Variants in AMACR observed in about 807,000 individuals in gnomAD.
AMACR encodes 2-methylacyl-CoA racemase.
AMACR carries 18 observed loss-of-function variants against 22.2 expected under a neutral mutation model. The ratio of observed to expected loss-of-function variants is 0.81; its 90% CI spans 0.56 to 1.20. The LOEUF is 1.20. AMACR is among the 50% of genes most tolerant of loss of function. The pLI, the probability that AMACR is intolerant of heterozygous loss-of-function variation, is 0.00. For synonymous variants in AMACR, 213 were observed against 191.3 expected (o/e 1.11, Z -0.94); for missense variants, 499 against 490.6 (o/e 1.02, Z -0.16).
Position 34,007,780 on chromosome 5 carries a change from G to C in AMACR, c.240C>G (p.Phe80Leu), listed in dbSNP as rs1044437141. ...CKRSDVLLEP[F>L]RRGVMEKLQL... ...CGCGGGGCCCGGGCTCACCGCGGCG[G>C]AAGGGCTCCAGCAGCACATCCGACC... The change falls in exon 1 of 5, where the codon TTC (phenylalanine) becomes TTG (leucine). Residue 80 changes from phenylalanine (F) to leucine (L), a missense_variant. Transcript: ENST00000335606. 4 of 1,558,076 alleles carry C rather than the reference G, an allele frequency of 2.6e-6. No homozygotes were observed. In the African/African-American group the frequency reaches 5.4e-5, roughly 21 times the overall value.
At position 33,986,219 on chromosome 5, in the gene AMACR, CCACA is replaced by C. The variant is rs1156875320; in HGVS notation, c.*2870_*2873del. 6.6e-6 allele frequency: 1 copy of C among 152,126 alleles called. No individual in the cohort carries two copies. The highest frequency in any genetic ancestry group is 2.4e-5 in the African/African-American group (1 of 41,410). The allele number at this position is 152,126 out of a possible 1,614,324, so 9.4% of individuals were successfully genotyped here. On this transcript the variant is annotated 3_prime_UTR_variant, in exon 5 of 5. Coordinates refer to ENST00000335606, the MANE Select transcript of AMACR (RefSeq NM_014324.6). ...CATTCTATTTTTTACTACAAGTTTT[CCACA>C]CACACAGCTCAGGAGTGAAATAACT...
At chr5:33,993,207 C>T (rs1753535826) in intron 4 of AMACR, among the ~76,000 whole-genome samples, 1 of 152,168 alleles carries the variant, frequency 6.6e-6, no homozygotes, top group Non-Finnish European at 1.5e-5. Context: ...TTATTTCACT[C>T]AGCATAATGT....
At chr5:34,006,013 C>A in intron 1 of AMACR, 114 bp from the exon 2 acceptor site, 1 of 1,296,842 alleles carries the variant, frequency 7.7e-7, no homozygotes, top group Admixed American at 1.9e-5. Flanking sequence ...ATAACATTTG[C>A]TGTAGGCTAA....
At chr5:33,998,972 T>C (rs1753726490) in intron 3 of AMACR, 145 bp from the exon 4 acceptor site, 1 of 743,410 alleles carries the variant, frequency 1.3e-6, no homozygotes. Context: ...ACAACTTCTC[T>C]GGTATTTCCA....
At chr5:34,003,026 G>A (rs952047113) in intron 3 of AMACR, among the ~76,000 whole-genome samples, 1 of 152,182 alleles carries the variant, frequency 6.6e-6, no homozygotes, top group African/African-American at 2.4e-5. Context: ...ACCCAATCCA[G>A]TTGACACTCT....
intron 3 of AMACR, 71 bp downstream of exon 3, chr5:34,004,503 A>G: frequency 1.3e-6 from 2 of 1,596,360 alleles, no homozygotes; most frequent in African/African-American, 1.3e-5. Context: ...CTTCTTCAAA[A>G]AAAGGATTTT....
chr5:33,991,922 G>A (rs1007897132), intron 4 of AMACR, among the ~76,000 whole-genome samples: 1 of 151,798 alleles, frequency 6.6e-6, no homozygotes, highest in South Asian at 2.1e-4. Flanking sequence ...ACTATTGCCT[G>A]GGCTGGAGTG....
chr5:33,996,074 C>G (rs1031484195), intron 4 of AMACR, among the ~76,000 whole-genome samples: 8 of 152,222 alleles, frequency 5.3e-5, no homozygotes, highest in African/African-American at 1.9e-4. Context: ...CATTATTTAG[C>G]CTGTCTGGCA....
intron 3 of AMACR, among the ~76,000 whole-genome samples, chr5:34,001,481 C>T (rs1464885942): frequency 6.6e-6 from 1 of 152,210 alleles, no homozygotes; most frequent in Admixed American, 6.5e-5. Context: ...CTGAGACTTG[C>T]TGCTTGTTAC....
At chr5:34,003,547 G>T (rs1351485425) in intron 3 of AMACR, among the ~76,000 whole-genome samples, 1 of 152,182 alleles carries the variant, frequency 6.6e-6, no homozygotes, top group Non-Finnish European at 1.5e-5. Flanking sequence ...GCTAGTAAAT[G>T]GCAGAGCTGG....
At chr5:33,991,941 C>T (rs994861999) in intron 4 of AMACR, among the ~76,000 whole-genome samples, 21 of 152,060 alleles carry the variant, frequency 1.4e-4, no homozygotes, top group East Asian at 1.9e-4. Flanking sequence ...TGCAATGGCA[C>T]GATCTCGGCT....
intron 4 of AMACR, among the ~76,000 whole-genome samples, chr5:33,994,751 A>AG (rs1753586004): frequency 6.6e-6 from 1 of 152,116 alleles, no homozygotes; most frequent in Non-Finnish European, 1.5e-5. Flanking sequence ...ATGCAAAAAG[A>AG]GGGGGCTGTA....
intron 4 of AMACR, among the ~76,000 whole-genome samples, chr5:33,990,597 A>G (rs1352941661): frequency 1.3e-5 from 2 of 152,218 alleles, no homozygotes; most frequent in Non-Finnish European, 2.9e-5. Flanking sequence ...TTAAAAGTGC[A>G]TGGCTAAGTG....
intron 4 of AMACR, among the ~76,000 whole-genome samples, chr5:33,992,736 T>A (rs192601463): frequency 6.6e-6 from 1 of 152,250 alleles, no homozygotes; most frequent in East Asian, 1.9e-4. Context: ...ATAGAATAAT[T>A]GTGCATTTGT....
rs1157791209 is a variant in AMACR at position 33,986,776 on chromosome 5, C to T, written c.*2317G>A. ...GGTGCAGCAACTTTGGCTTCTGGGTCCAAGTACACCAGCTTTCCCATCACC... is the reference window on the plus strand; with the variant it reads ...GGTGCAGCAACTTTGGCTTCTGGGTTCAAGTACACCAGCTTTCCCATCACC... On this transcript the variant is annotated 3_prime_UTR_variant, in exon 5 of 5. Transcript: ENST00000335606. 1 of 152,216 alleles carries T rather than the reference C, an allele frequency of 6.6e-6. No individual in the cohort carries two copies. The allele number at this position is 152,216 out of a possible 1,614,324, so 9.4% of individuals were successfully genotyped here. A position where few individuals can be genotyped will look rare whatever the true frequency, so the allele number is the denominator to read the frequency against.
Position 33,989,328 on chromosome 5 carries a change from T to C in AMACR, c.914A>G (p.His305Arg), listed in dbSNP as rs1234892826. The change falls in exon 5 of 5, where the codon CAT becomes CGT. Residue 305 changes from histidine (H) to arginine (R), a missense_variant. Transcript: ENST00000335606. The part of the protein sequence containing the change: ...TPVLTFEEVV[H>R]HDHNKERGSF... The stretch of plus-strand genomic sequence containing the variant: ...GCCCCGTTCCTTGTTGTGATCATGA[T>C]GAACAACCTCCTCAAAAGTCAGAAC... 10 of 1,614,066 alleles carry C rather than the reference T, an allele frequency of 6.2e-6. No individual in the cohort carries two copies. In the South Asian group the frequency reaches 9.9e-5, roughly 16 times the overall value.
intron 3 of AMACR, among the ~76,000 whole-genome samples, chr5:34,003,475 T>C (rs1753880408): frequency 6.6e-6 from 1 of 152,178 alleles, no homozygotes. Flanking sequence ...GTCATTATTA[T>C]CTCCATTTTA....
chr5:33,989,168 T>C lies in AMACR; in HGVS notation c.1074A>G (p.Gly358=). The change falls in exon 5 of 5, where the codon GGA becomes GGG. Residue 358 remains glycine (G), a synonymous_variant. Transcript: ENST00000335606. ...EHTEEILEEF[G]FSREEIYQLN... is the part of the protein sequence containing the mutation. Reference sequence around the variant, plus strand: ...GCTGATAAATCTCTTCGCGGCTGAATCCAAATTCTTCAAGTATCTCCTCAG... The same window carrying C: ...GCTGATAAATCTCTTCGCGGCTGAACCCAAATTCTTCAAGTATCTCCTCAG... 3.1e-6 allele frequency: 5 copies of C among 1,614,230 alleles called. No homozygotes were observed. The highest frequency in any genetic ancestry group is 4.2e-6 in the Non-Finnish European group (5 of 1,180,036).
intron 2 of AMACR, 91 bp downstream of exon 2, chr5:34,005,664 AT>A: frequency 6.7e-7 from 1 of 1,493,668 alleles, no homozygotes; most frequent in South Asian, 1.2e-5. Context: ...AAATGTTTAA[AT>A]TTTTACCTTT....
Sources: gnomAD v4.1 joint callset for allele counts (sites outside exome capture counted in the v4.1 genomes callset) on GRCh38, gnomAD v4.1.1 for gene constraint, MANE v1.5 for transcripts, NCBI Gene and HGNC (gene_info 2026-07-23, HGNC 2026-07-21) for gene names.